SCUBE1: variants seen among roughly 807,000 people sequenced by gnomAD.
SCUBE1 encodes the protein signal peptide, CUB and EGF-like domain-containing protein 1.
A neutral mutation model predicts 124.4 loss-of-function variants in SCUBE1; 59 were observed. That is an observed-to-expected ratio of 0.47 (90% confidence interval 0.38 to 0.59). The LOEUF is 0.59. SCUBE1 is among the 20% of genes least tolerant of loss of function. SCUBE1 has a pLI of 0.00. For missense variants in SCUBE1, 1,150 were observed against 1,371.2 expected (o/e 0.84, Z 2.55); for synonymous variants, 545 against 550.9 (o/e 0.99, Z 0.15).
intron 14 of SCUBE1, 80 bp from the exon 15 acceptor site, chr22:43,218,538 G>T: frequency 2.7e-6 from 4 of 1,478,626 alleles, no homozygotes; most frequent in Non-Finnish European, 2.8e-6. Context: ...GCTCCCCCGT[G>T]CCAGGCCCTG....
chr22:43,319,058 T>C (rs1239072989), intron 3 of SCUBE1, among the ~76,000 whole-genome samples: 1 of 152,146 alleles, frequency 6.6e-6, no homozygotes, highest in Non-Finnish European at 1.5e-5. Flanking sequence ...AAAAATGTAT[T>C]TGGACCATGA....
intron 10 of SCUBE1, 59 bp from the exon 11 acceptor site, chr22:43,223,275 C>T: frequency 6.6e-7 from 1 of 1,525,498 alleles, no homozygotes; most frequent in Non-Finnish European, 8.7e-7. Flanking sequence ...TTCCTGGAGC[C>T]AGGAGGGTCC....
Position 43,198,285 on chromosome 22 carries a change from C to CT in SCUBE1, c.*5711dup. On this transcript the variant is annotated 3_prime_UTR_variant, in exon 22 of 22. Transcript: ENST00000360835. ...CAATTCCAGGGGGCTCACTCAGGGG[C>CT]TCTGAGTGGCATGGTGCAGCAGGGG... 3.2e-6 allele frequency: 1 copy of CT among 315,120 alleles called. No individual in the cohort carries two copies. Among genetic ancestry groups the CT allele is most frequent in the Non-Finnish European group, 6.3e-6 (1 of 158,132 alleles). 19.5% of individuals were successfully genotyped at this position (315,120 alleles called of 1,614,324 possible).
Position 43,211,585 on chromosome 22 carries a change from C to T in SCUBE1, c.2222-502G>A, listed in dbSNP as rs35666679. On this transcript the variant is annotated intron_variant, in intron 17 of 21. Coordinates refer to ENST00000360835, the MANE Select transcript of SCUBE1 (RefSeq NM_173050.5). This position sits in a 1 kb window ranked among gnomAD's most constrained non-coding sequence, Gnocchi z 4.5. ...AGGCTGGAGTGCAATGGTGCCATCTCGGCTCACTGCAACCTCCACCTCCTG... is the reference window on the plus strand; with the variant it reads ...AGGCTGGAGTGCAATGGTGCCATCTTGGCTCACTGCAACCTCCACCTCCTG... Among the ~76,000 whole-genome samples, 11,249 of 150,962 alleles carry T rather than the reference C, an allele frequency of 0.075. 779 individuals carry two copies. The highest frequency in any genetic ancestry group is 0.17 in the African/African-American group (7,072 of 40,858).
intron 6 of SCUBE1, among the ~76,000 whole-genome samples, chr22:43,253,031 C>A (rs1923517216): frequency 1.4e-5 from 2 of 146,276 alleles, no homozygotes; most frequent in Non-Finnish European, 3.0e-5. Flanking sequence ...TAAGTCTGTA[C>A]CTTGCCTCTA....
At chr22:43,280,054 C>G (rs111242432) in intron 4 of SCUBE1, among the ~76,000 whole-genome samples, 13 of 152,170 alleles carry the variant, frequency 8.5e-5, no homozygotes, top group African/African-American at 3.1e-4. Context: ...CCTGAGCCAG[C>G]CAGTCAGGAG....
intron 7 of SCUBE1, among the ~76,000 whole-genome samples, chr22:43,237,006 C>CAGGGCTGGGCGTCCATGGAGG (rs1922793422): frequency 6.6e-6 from 1 of 150,930 alleles, no homozygotes; most frequent in African/African-American, 2.4e-5. Flanking sequence ...GCCACAGGCC[C>CAGGGCTGGGCGTCCATGGAGG]AGGGCTGGGC....
chr22:43,223,722 G>A (rs528765143), intron 10 of SCUBE1, among the ~76,000 whole-genome samples: 2 of 152,316 alleles, frequency 1.3e-5, no homozygotes, highest in Admixed American at 6.5e-5. Flanking sequence ...AGGAAAAGAC[G>A]GACGGTTCTA....
intron 3 of SCUBE1, among the ~76,000 whole-genome samples, chr22:43,301,583 G>A (rs1343006653): frequency 6.6e-6 from 1 of 152,108 alleles, no homozygotes; most frequent in Non-Finnish European, 1.5e-5. Context: ...TCCCAGAGAT[G>A]CTCTCTCTGA....
At chr22:43,204,449 C>A (rs571964864) in intron 21 of SCUBE1, among the ~76,000 whole-genome samples, 3 of 152,036 alleles carry the variant, frequency 2.0e-5, no homozygotes, top group Middle Eastern at 3.4e-3. Context: ...TAGGCATGCA[C>A]CACCACACCT....
intron 11 of SCUBE1, 101 bp from the exon 12 acceptor site, chr22:43,222,843 A>G: frequency 9.5e-7 from 1 of 1,048,926 alleles, no homozygotes; most frequent in East Asian, 2.6e-5. Flanking sequence ...GACGAAGATC[A>G]GGACAGATTC....
chr22:43,246,885 C>T (rs567325414), intron 6 of SCUBE1, among the ~76,000 whole-genome samples: 1 of 140,000 alleles, frequency 7.1e-6, no homozygotes, highest in South Asian at 2.7e-4. Flanking sequence ...GGGGGCGGGG[C>T]AGGGAGTAGC....
At chr22:43,219,617 G>A (rs894195204) in intron 14 of SCUBE1, among the ~76,000 whole-genome samples, 1 of 152,012 alleles carries the variant, frequency 6.6e-6, no homozygotes, top group African/African-American at 2.4e-5. Flanking sequence ...GGGATTACAG[G>A]TGCCTGCCAC....
Position 43,210,331 on chromosome 22 carries a change from C to A in SCUBE1, c.2384-91G>T. On this transcript the variant is annotated intron_variant, in intron 18 of 21. Transcript: ENST00000360835. The surrounding 1 kb of genome is among the most constrained non-coding windows in gnomAD (Gnocchi z 4.5). ...CTCTAACCACCTGGGAGGCCTAGGG[C>A]AGGGCTGGAAGGTGCTCTTGTCCCC... 1 of 1,178,286 alleles carries A rather than the reference C, an allele frequency of 8.5e-7. No homozygotes were observed. Among genetic ancestry groups the A allele is most frequent in the Non-Finnish European group, 1.1e-6 (1 of 871,364 alleles). The allele number at this position is 1,178,286 out of a possible 1,614,324, so 73.0% of individuals were successfully genotyped here.
chr22:43,237,279 C>T (rs961174117), intron 7 of SCUBE1, among the ~76,000 whole-genome samples: 1 of 152,222 alleles, frequency 6.6e-6, no homozygotes, highest in Admixed American at 6.5e-5. Flanking sequence ...GGGCCACATG[C>T]CTGCCCTGCA....
chr22:43,320,910 G>A (rs1215849943), intron 2 of SCUBE1, among the ~76,000 whole-genome samples: 1 of 152,196 alleles, frequency 6.6e-6, no homozygotes, highest in South Asian at 2.1e-4. Flanking sequence ...CACACCTGGC[G>A]TCCTTGGGAG....
intron 4 of SCUBE1, among the ~76,000 whole-genome samples, chr22:43,284,597 T>G (rs1414163246): frequency 6.6e-6 from 1 of 152,204 alleles, no homozygotes; most frequent in Non-Finnish European, 1.5e-5. Flanking sequence ...CCAAAGCCAC[T>G]GGCAACCCTG....
At chr22:43,246,647 C>T (rs1001324111) in intron 6 of SCUBE1, among the ~76,000 whole-genome samples, 1 of 152,222 alleles carries the variant, frequency 6.6e-6, no homozygotes, top group Non-Finnish European at 1.5e-5. Flanking sequence ...TGCAGGTTGC[C>T]GGGAACATTG....
At position 43,218,269 on chromosome 22, in the gene SCUBE1, T is replaced by C. The variant is rs759584135; in HGVS notation, c.1877A>G (p.Gln626Arg). The part of the protein sequence containing the change: ...QGACGAGQVL[Q>R]DSKCVACGPG... ...CAAGGACTCACCGCATTTGCTGTCC[T>C]GTAGCACCTGGCCTGCGCCACATGC... The change falls in exon 15 of 22, where the codon CAG (glutamine) becomes CGG (arginine). Residue 626 changes from glutamine (Q) to arginine (R), a missense_variant. This residue lies in a region of SCUBE1 where 757 missense variants were observed against 840.9 expected (regional missense o/e 0.90). Coordinates refer to ENST00000360835, the MANE Select transcript of SCUBE1 (RefSeq NM_173050.5). 1 of 1,613,060 alleles carries C rather than the reference T, an allele frequency of 6.2e-7. No individual in the cohort carries two copies. The highest frequency in any genetic ancestry group is 8.5e-7 in the Non-Finnish European group (1 of 1,180,026).
Sources: allele counts gnomAD v4.1 joint callset (sites outside exome capture counted in the v4.1 genomes callset), GRCh38; gene constraint gnomAD v4.1.1; regional missense constraint gnomAD v4.1.1; non-coding constraint Gnocchi (gnomAD v3.1); transcripts MANE v1.5; gene names NCBI Gene and HGNC (gene_info 2026-07-23, HGNC 2026-07-21).